The following SFXN2 variants were observed in gnomAD, a reference collection of about 807,000 sequenced individuals.
SFXN2 encodes the protein sideroflexin-2.
SFXN2 carries 37 observed loss-of-function variants against 41.9 expected under a neutral mutation model. The observed-to-expected ratio is 0.88, with a 90% CI of 0.68 to 1.16. The LOEUF (loss-of-function observed/expected upper bound fraction) is 1.16, where lower values mean the gene tolerates loss of function less well. Among genes scored for constraint, SFXN2 ranks in the 50% most tolerant of loss-of-function variants. The pLI is 0.00. For missense variants in SFXN2, 386 were observed against 425.2 expected (o/e 0.91, Z 0.81); for synonymous variants, 150 against 156.7 (o/e 0.96, Z 0.32).
In SFXN2 at chr10:102,740,555, C is replaced by T. The variant is rs1842771266; in HGVS notation, c.*2793C>T. ...TTTTTCTTAGCCCCAAAAGAAACCC[C>T]ATACCCATTGGCAGTCACTCCACAT... On this transcript the variant is annotated 3_prime_UTR_variant, in exon 12 of 12. Coordinates refer to ENST00000369893, the MANE Select transcript of SFXN2 (RefSeq NM_178858.6). 1 of 152,244 alleles carries T rather than the reference C, an allele frequency of 6.6e-6. No homozygotes were observed. The allele number at this position is 152,244 out of a possible 1,614,324, so 9.4% of individuals were successfully genotyped here. A position where few individuals can be genotyped will look rare whatever the true frequency, so the allele number is the denominator to read the frequency against.
At chr10:102,716,007 A>G (rs1278783284) in intron 1 of SFXN2, among the ~76,000 whole-genome samples, 2 of 152,104 alleles carry the variant, frequency 1.3e-5, no homozygotes, top group Non-Finnish European at 2.9e-5. Flanking sequence ...GGAGAGAAAA[A>G]GCAGTTCAGA....
rs146868370 is a variant in SFXN2, at chr10:102,727,015, G to A, written c.190G>A (p.Val64Met). The change falls in exon 3 of 12, where the codon GTG becomes ATG. Residue 64 changes from valine (V) to methionine (M), a missense_variant. Transcript: ENST00000369893. ...RMGVVPPGTQVEQLLYAKKLY... is the reference protein window; with the variant it reads ...RMGVVPPGTQMEQLLYAKKLY... ...GGGGGTTGTGCCCCCAGGCACCCAA[G>A]TGGAGCAGCTGCTGTATGCCAAGAA... The A allele has an allele frequency of 5.6e-6, 9 of 1,603,184 alleles. No individual in the cohort carries two copies. In the African/African-American group the frequency reaches 1.2e-4, roughly 21 times the overall value.
At chr10:102,731,081 C>T (rs2064695840) in intron 6 of SFXN2, among the ~76,000 whole-genome samples, 1 of 146,282 alleles carries the variant, frequency 6.8e-6, no homozygotes, top group African/African-American at 2.5e-5. Flanking sequence ...GAGTGAGACT[C>T]CATCACAAAA....
intron 1 of SFXN2, among the ~76,000 whole-genome samples, chr10:102,723,616 T>C (rs952369685): frequency 6.6e-6 from 1 of 152,138 alleles, no homozygotes; most frequent in East Asian, 1.9e-4. Context: ...CTGTAAGATA[T>C]GGGATAGGTG....
At chr10:102,732,347 G>A in intron 8 of SFXN2, 129 bp downstream of exon 8, 1 of 739,522 alleles carries the variant, frequency 1.4e-6, no homozygotes, top group Non-Finnish European at 2.2e-6. Context: ...TGCTTTGCTT[G>A]ATTGCTGTAA....
chr10:102,733,493 G>A, intron 9 of SFXN2, 61 bp from the exon 10 acceptor site: 1 of 1,385,526 alleles, frequency 7.2e-7, no homozygotes. Flanking sequence ...GAGCAGGGTT[G>A]GGGTTCACCT....
At chr10:102,728,665 A>G in intron 4 of SFXN2, 136 bp downstream of exon 4, 1 of 701,572 alleles carries the variant, frequency 1.4e-6, no homozygotes, top group Non-Finnish European at 2.5e-6. Context: ...AGGGTTTGGA[A>G]ATATTTTCTC....
At chr10:102,717,800 C>T (rs535781111) in intron 1 of SFXN2, 17 of 985,178 alleles carry the variant, frequency 1.7e-5, no homozygotes, top group African/African-American at 1.7e-5. Flanking sequence ...AAATATTCTT[C>T]GAGGGCATGT....
intron 1 of SFXN2, among the ~76,000 whole-genome samples, chr10:102,721,204 ATAT>A (rs2064504048): frequency 6.6e-6 from 1 of 152,116 alleles, no homozygotes; most frequent in Non-Finnish European, 1.5e-5. Flanking sequence ...TATTTTATCA[ATAT>A]TATATTACGT....
intron 6 of SFXN2, 151 bp downstream of exon 6, chr10:102,729,959 C>G: frequency 1.2e-6 from 1 of 820,260 alleles, no homozygotes; most frequent in Non-Finnish European, 1.9e-6. Context: ...TTGGCAGCTC[C>G]CATGGTGATG....
chr10:102,718,081 T>G (rs933094124), intron 1 of SFXN2, among the ~76,000 whole-genome samples: 2 of 152,210 alleles, frequency 1.3e-5, no homozygotes, highest in Admixed American at 6.5e-5. Flanking sequence ...GTGTTTTTTT[T>G]GTTTTGTTTT....
chr10:102,736,495 C>G (rs1247851553), intron 11 of SFXN2, among the ~76,000 whole-genome samples: 1 of 150,132 alleles, frequency 6.7e-6, no homozygotes. Context: ...AGTCTCGGCT[C>G]ACTGCAACCT....
rs1046591431 is a variant in SFXN2 at position 102,732,307 on chromosome 10, G to A, written c.721+89G>A. 3.5e-6 allele frequency: 4 copies of A among 1,131,574 alleles called. No homozygotes were observed. In the African/African-American group the frequency reaches 4.6e-5, roughly 13 times the overall value. The allele number at this position is 1,131,574 out of a possible 1,614,324, so 70.1% of individuals were successfully genotyped here. A position where few individuals can be genotyped will look rare whatever the true frequency, so the allele number is the denominator to read the frequency against. On this transcript the variant is annotated intron_variant, in intron 8 of 11. Coordinates refer to ENST00000369893, the MANE Select transcript of SFXN2 (RefSeq NM_178858.6). Reference sequence around the variant, plus strand: ...ACTCAGCTTTTGGGTGGGAGGTGGGGCCCACCTTCTACAGCCATGCTTCTC... The same window carrying A: ...ACTCAGCTTTTGGGTGGGAGGTGGGACCCACCTTCTACAGCCATGCTTCTC...
chr10:102,736,043 C>T lies in SFXN2; in HGVS notation c.869+134C>T, dbSNP rs754288017. The T allele has an allele frequency of 2.3e-5, 20 of 886,872 alleles. No homozygotes were observed. The Admixed American group carries it at 3.2e-4, about 14-fold the overall frequency. 54.9% of individuals were successfully genotyped at this position (886,872 alleles called of 1,614,324 possible). A position where few individuals can be genotyped will look rare whatever the true frequency, so the allele number is the denominator to read the frequency against. ...CTGTCTGAGGACAAGTGTCCATCAG[C>T]CTAAAGGCTGGGCCTCTTAACCCTG... On this transcript the variant is annotated intron_variant, in intron 11 of 11. Coordinates refer to ENST00000369893, the MANE Select transcript of SFXN2 (RefSeq NM_178858.6).
At chr10:102,729,846 G>A (rs1358207920) in intron 6 of SFXN2, 38 bp downstream of exon 6, 2 of 1,609,216 alleles carry the variant, frequency 1.2e-6, no homozygotes, top group Non-Finnish European at 1.7e-6. Context: ...CAAACCACAA[G>A]ATTAGCAGAA....
At chr10:102,732,004 G>T in intron 7 of SFXN2, 148 bp from the exon 8 acceptor site, 1 of 806,028 alleles carries the variant, frequency 1.2e-6, no homozygotes, top group East Asian at 2.6e-5. Flanking sequence ...AGGTGGGAGG[G>T]GATAAAGTGA....
intron 1 of SFXN2, chr10:102,716,505 C>G (rs2064415607): frequency 6.6e-6 from 1 of 150,462 alleles, no homozygotes; most frequent in Non-Finnish European, 1.5e-5. Flanking sequence ...AGCATTACGT[C>G]AGAGGTGGCA....
Position 102,726,732 on chromosome 10 carries a change from C to A in SFXN2, c.96C>A (p.Asp32Glu), listed in dbSNP as rs35153373. 5.0e-6 allele frequency: 8 copies of A among 1,614,038 alleles called. No homozygotes were observed. The highest frequency in any genetic ancestry group is 6.8e-6 in the Non-Finnish European group (8 of 1,180,044). The change falls in exon 2 of 12, where the codon GAC becomes GAA. Residue 32 changes from aspartate (D) to glutamate (E), a missense_variant. Coordinates refer to ENST00000369893, the MANE Select transcript of SFXN2 (RefSeq NM_178858.6). ...GRVKHFLNIT[D>E]PRTVFVSERE... ...TGAAGCACTTCCTAAACATCACGGA[C>A]CCCCGCACTGTCTTTGTATCTGAGC...
intron 1 of SFXN2, among the ~76,000 whole-genome samples, chr10:102,726,012 T>A (rs1347771366): frequency 1.3e-5 from 2 of 152,178 alleles, no homozygotes; most frequent in Non-Finnish European, 2.9e-5. Flanking sequence ...TGCAGTGGTG[T>A]GATCTCAGCT....
Sources: gnomAD v4.1 joint callset for allele counts (sites outside exome capture counted in the v4.1 genomes callset) on GRCh38, gnomAD v4.1.1 for gene constraint, MANE v1.5 for transcripts, NCBI Gene and HGNC (gene_info 2026-07-23, HGNC 2026-07-21) for gene names.